CNST: variants seen among roughly 807,000 people sequenced by gnomAD.
CNST encodes consortin.
A neutral mutation model predicts 72.4 loss-of-function variants in CNST; 39 were observed. The ratio of observed to expected loss-of-function variants is 0.54; its 90% CI spans 0.42 to 0.70. The LOEUF (loss-of-function observed/expected upper bound fraction) is 0.70, where lower values mean the gene tolerates loss of function less well. Ranked by LOEUF, CNST falls within the 30% of genes least tolerant of loss-of-function variation. The pLI is 0.00. For missense variants in CNST, 871 were observed against 868.5 expected (o/e 1.00, Z -0.04); for synonymous variants, 332 against 320.1 (o/e 1.04, Z -0.40).
At chr1:246,646,812 A>T (rs1486665479) in intron 8 of CNST, among the ~76,000 whole-genome samples, 1 of 152,224 alleles carries the variant, frequency 6.6e-6, no homozygotes, top group Non-Finnish European at 1.5e-5. Flanking sequence ...GCTGAAAATA[A>T]TTTTTGTAAC....
At chr1:246,585,189 T>C (rs1268869483) in intron 1 of CNST, among the ~76,000 whole-genome samples, 1 of 152,192 alleles carries the variant, frequency 6.6e-6, no homozygotes, top group Non-Finnish European at 1.5e-5. Flanking sequence ...CTCTGGTTTT[T>C]CGTCCAGCTC....
chr1:246,608,329 C>T (rs72762783), intron 2 of CNST, among the ~76,000 whole-genome samples: 3 of 152,252 alleles, frequency 2.0e-5, no homozygotes, highest in Non-Finnish European at 4.4e-5. Context: ...AACAGAGACC[C>T]TGTCTTTAAC....
At chr1:246,645,321 T>TA (rs1665973614) in intron 8 of CNST, among the ~76,000 whole-genome samples, 1 of 151,452 alleles carries the variant, frequency 6.6e-6, no homozygotes. Flanking sequence ...TATCAGTAAA[T>TA]AAACAAATGG....
intron 6 of CNST, among the ~76,000 whole-genome samples, chr1:246,635,006 C>T (rs1665083837): frequency 1.2e-5 from 1 of 83,558 alleles, no homozygotes; most frequent in South Asian, 3.7e-4. Context: ...CTTCCTGCTT[C>T]TGCTTCTCGC....
At chr1:246,664,486 G>C (rs1226926625) in intron 10 of CNST, among the ~76,000 whole-genome samples, 2 of 151,858 alleles carry the variant, frequency 1.3e-5, no homozygotes, top group African/African-American at 4.8e-5. Flanking sequence ...GAGTGCAGTG[G>C]TGTGATCTCA....
At chr1:246,606,256 A>C (rs1302092382) in intron 2 of CNST, 8 of 152,116 alleles carry the variant, frequency 5.3e-5, no homozygotes, top group African/African-American at 1.9e-4. Context: ...GAGGACCCCA[A>C]TGATGAAGAT....
chr1:246,625,878 T>C (rs1393773784), intron 3 of CNST, among the ~76,000 whole-genome samples: 2 of 152,170 alleles, frequency 1.3e-5, no homozygotes, highest in South Asian at 2.1e-4. Flanking sequence ...GTGATTTCCA[T>C]GTTGTTAAAT....
Position 246,618,592 on chromosome 1 carries a change from T to G in CNST, c.380-2837T>G, listed in dbSNP as rs940615462. Among the ~76,000 whole-genome samples, 3 of 152,212 alleles carry G rather than the reference T, an allele frequency of 2.0e-5. No homozygotes were observed. In the East Asian group the frequency reaches 5.8e-4, roughly 29 times the overall value. ...AATGATTAAAGTACGATATTCTTTC[T>G]AATTGCCCATTAGCCCCCTGCTGCT... On this transcript the variant is annotated intron_variant, in intron 2 of 10. Coordinates refer to ENST00000366513, the MANE Select transcript of CNST (RefSeq NM_152609.3).
intron 3 of CNST, among the ~76,000 whole-genome samples, chr1:246,626,469 T>C (rs1461253072): frequency 7.1e-6 from 1 of 141,212 alleles, no homozygotes; most frequent in Non-Finnish European, 1.5e-5. Context: ...TTTTTTTTTT[T>C]TTTTTTGAGA....
intron 1 of CNST, chr1:246,566,917 CGCCAGAAGTCGTTCCTCACCCG>C (rs1193873406): frequency 2.9e-6 from 1 of 343,396 alleles, no homozygotes; most frequent in Non-Finnish European, 5.2e-6. Flanking sequence ...AGGGGACTAG[CGCCAGAAGTCGTTCCTCACCCG>C]GCTCCTGGAG....
chr1:246,647,979 C>T lies in CNST; in HGVS notation c.1778C>T (p.Pro593Leu). 1 of 1,613,736 alleles carries T rather than the reference C, an allele frequency of 6.2e-7. No homozygotes were observed. The highest frequency in any genetic ancestry group is 8.5e-7 in the Non-Finnish European group (1 of 1,180,032). ...TCCTATAGTCTCCAGGAGAATCTGC[C>T]TTCTGATGAGAGCTGTCTTTCTCTT... Reference protein sequence around the residue: ...EASYSLQENLPSDESCLSLDD... With the variant: ...EASYSLQENLLSDESCLSLDD... Residue 593 changes from proline (P) to leucine (L), a missense_variant, in exon 9 of 11, where the codon CCT becomes CTT. Pro to Leu is a moderately conservative substitution (Grantham distance 98). Coordinates refer to ENST00000366513, the MANE Select transcript of CNST (RefSeq NM_152609.3).
chr1:246,634,800 A>C (rs1390266377), intron 6 of CNST, among the ~76,000 whole-genome samples: 1 of 152,130 alleles, frequency 6.6e-6, no homozygotes, highest in Admixed American at 6.5e-5. Flanking sequence ...TGTTTTAATG[A>C]GCACCTGGGT....
At chr1:246,567,081 G>A (rs891275876) in intron 1 of CNST, among the ~76,000 whole-genome samples, 5 of 146,506 alleles carry the variant, frequency 3.4e-5, no homozygotes, top group Admixed American at 2.8e-4. Flanking sequence ...TGGTTGTCAA[G>A]AACCGCGTGG....
In CNST at chr1:246,581,216, A is replaced by C. The variant is rs1225551129; in HGVS notation, c.-51-10296A>C. Among the ~76,000 whole-genome samples, 3 of 152,254 alleles carry C rather than the reference A, an allele frequency of 2.0e-5. No individual in the cohort carries two copies. The East Asian group carries it at 5.8e-4, about 29-fold the overall frequency. On this transcript the variant is annotated intron_variant, in intron 1 of 10. Coordinates refer to ENST00000366513, the MANE Select transcript of CNST (RefSeq NM_152609.3). ...CCCATACATGGATATGGTAACAGCC[A>C]CATTGGATGAAACTTCATCAGTGTC...
At chr1:246,589,383 T>A (rs1413265467) in intron 1 of CNST, among the ~76,000 whole-genome samples, 2 of 151,704 alleles carry the variant, frequency 1.3e-5, no homozygotes, top group South Asian at 2.1e-4. Flanking sequence ...TTTGTCCTTG[T>A]GATAGTTTGC....
intron 10 of CNST, 87 bp downstream of exon 10, chr1:246,660,421 C>A (rs550985025): frequency 1.2e-5 from 17 of 1,438,080 alleles, no homozygotes; most frequent in Non-Finnish European, 1.5e-5. Context: ...CGTTTACTAA[C>A]AGGATTTGTA....
rs566416877 is a variant in CNST, at chr1:246,613,818, C to T, written c.380-7611C>T. On this transcript the variant is annotated intron_variant, in intron 2 of 10. Transcript: ENST00000366513. The stretch of plus-strand genomic sequence containing the variant: ...GAGTGATTCTCCTGCCTCAGCCTCC[C>T]GAGTAGCTGGAACTACAGGTGCACA... Among the ~76,000 whole-genome samples the T allele has an allele frequency of 1.4e-4, 20 of 147,006 alleles. No individual in the cohort carries two copies. In the East Asian group the frequency reaches 2.6e-3, roughly 19 times the overall value.
chr1:246,578,133 G>C (rs1434964381), intron 1 of CNST, among the ~76,000 whole-genome samples: 1 of 151,988 alleles, frequency 6.6e-6, no homozygotes, highest in Non-Finnish European at 1.5e-5. Context: ...CTATGTTTTG[G>C]TGAGGATTGT....
At chr1:246,596,187 G>A (rs999017057) in intron 2 of CNST, among the ~76,000 whole-genome samples, 3 of 148,290 alleles carry the variant, frequency 2.0e-5, no homozygotes, top group Non-Finnish European at 4.5e-5. Context: ...AAGCCAAGGT[G>A]GAGGATTGCT....
Sources: gnomAD v4.1 joint callset for allele counts (sites outside exome capture counted in the v4.1 genomes callset) on GRCh38, gnomAD v4.1.1 for gene constraint, MANE v1.5 for transcripts, NCBI Gene and HGNC (gene_info 2026-07-23, HGNC 2026-07-21) for gene names.